The following MYH2 variants were observed in gnomAD, a reference collection of about 807,000 sequenced individuals.
The protein encoded by MYH2 is myosin heavy chain 2.
A neutral mutation model predicts 228.1 loss-of-function variants in MYH2; 139 were observed. The ratio of observed to expected loss-of-function variants is 0.61; its 90% CI spans 0.53 to 0.70. MYH2 has a LOEUF of 0.70. Ranked by LOEUF, MYH2 falls within the 30% of genes least tolerant of loss-of-function variation. The pLI is 0.00. For missense variants in MYH2, 1,809 were observed against 2,357.5 expected (o/e 0.77, Z 4.82); for synonymous variants, 796 against 871.1 (o/e 0.91, Z 1.52).
At chr17:10,538,900 T>C (rs1337276170) in intron 14 of MYH2, among the ~76,000 whole-genome samples, 1 of 152,212 alleles carries the variant, frequency 6.6e-6, no homozygotes, top group African/African-American at 2.4e-5. Flanking sequence ...TGACTCTAAA[T>C]TATTAACGTT....
chr17:10,525,161 A>G lies in MYH2; in HGVS notation c.4662+63T>C. ...TTTTGTGCTATGTGTCTTTTTATTC[A>G]CTCTATGCAGATGTACCTAATTATT... On this transcript the variant is annotated intron_variant, in intron 33 of 39. Coordinates refer to ENST00000245503, the MANE Select transcript of MYH2 (RefSeq NM_017534.6). This position sits in a 1 kb window ranked among gnomAD's most constrained non-coding sequence, Gnocchi z 4.2. 2 of 1,613,372 alleles carry G rather than the reference A, an allele frequency of 1.2e-6. No homozygotes were observed. Among genetic ancestry groups the G allele is most frequent in the Non-Finnish European group, 1.7e-6 (2 of 1,179,780 alleles).
rs201882457 is a variant in MYH2, at chr17:10,521,362, C to T, written c.5744G>A (p.Arg1915Gln). 2.1e-5 allele frequency: 34 copies of T among 1,613,974 alleles called. No homozygotes were observed. The highest frequency in any genetic ancestry group is 1.0e-4 in the Admixed American group (6 of 59,988). The change falls in exon 40 of 40, where the codon CGG becomes CAG. Residue 1915 changes from arginine to glutamine, a missense_variant. Coordinates refer to ENST00000245503, the MANE Select transcript of MYH2 (RefSeq NM_017534.6). ...CACCTGGGACTCAGCAATGTCAGCC[C>T]GTTCCTCGGCCTCCTCCAGCTCATG... ...LQHELEEAEE[R>Q]ADIAESQVNK...
chr17:10,530,835 C>T, intron 22 of MYH2, among the ~76,000 whole-genome samples: 1 of 152,254 alleles, frequency 6.6e-6, no homozygotes, highest in Admixed American at 6.5e-5. Context: ...ATTTGGAGGG[C>T]TTTTTCCTTC....
chr17:10,536,955 A>G (rs865829824), intron 16 of MYH2, among the ~76,000 whole-genome samples: 2 of 152,318 alleles, frequency 1.3e-5, no homozygotes, highest in African/African-American at 4.8e-5. Context: ...TACTCTATAT[A>G]TCCTGCAGAT....
At chr17:10,543,665 A>G in intron 8 of MYH2, 46 bp downstream of exon 8, 1 of 1,602,176 alleles carries the variant, frequency 6.2e-7, no homozygotes, top group Non-Finnish European at 8.6e-7. Context: ...CATCTCATAA[A>G]TTTTGACCAG....
intron 27 of MYH2, 40 bp downstream of exon 27, chr17:10,528,650 T>G (rs778409154): frequency 1.2e-6 from 2 of 1,613,740 alleles, no homozygotes; most frequent in Non-Finnish European, 1.7e-6. Flanking sequence ...GTGTCCATAA[T>G]GCATTATTTT....
intron 39 of MYH2, 148 bp from the exon 40 acceptor site, chr17:10,521,580 CATAT>C (rs3051834): frequency 5.2e-3 from 2,282 of 439,128 alleles, no homozygotes; most frequent in Middle Eastern, 8.0e-3. Context: ...TTATTGATGT[CATAT>C]ATATATATAT....
intron 17 of MYH2, 136 bp downstream of exon 17, chr17:10,536,394 T>G (rs2073482293): frequency 3.0e-6 from 2 of 659,784 alleles, no homozygotes; most frequent in East Asian, 5.8e-5. Context: ...AAAGTAATTT[T>G]AATAAATGTA....
chr17:10,539,776 A>G, intron 12 of MYH2, 152 bp downstream of exon 12: 2 of 1,245,598 alleles, frequency 1.6e-6, no homozygotes, highest in Non-Finnish European at 1.2e-6. Flanking sequence ...CCTAGTGCTT[A>G]TGTTTCCCAT....
Position 10,540,030 on chromosome 17 carries a change from T to C in MYH2, c.1045A>G (p.Lys349Glu). The change falls in exon 12 of 40, where the codon AAG becomes GAG. Residue 349 changes from lysine (K) to glutamate (E), a missense_variant. Transcript: ENST00000245503. ...IDILGFTNEEKVSIYKLTGAV... is the reference protein window; with the variant it reads ...IDILGFTNEEEVSIYKLTGAV... ...CCCGTGAGCTTGTAAATGGAGACCT[T>C]TTCTTCATTAGTAAAGCCCAAAATA... 6.2e-7 allele frequency: 1 copy of C among 1,614,072 alleles called. No individual in the cohort carries two copies. Among genetic ancestry groups the C allele is most frequent in the Non-Finnish European group, 8.5e-7 (1 of 1,179,978 alleles).
rs1471900158 is a variant in MYH2 at position 10,521,413 on chromosome 17, T to C, written c.5693A>G (p.Asn1898Ser). 1.9e-6 allele frequency: 3 copies of C among 1,614,122 alleles called. No homozygotes were observed. The highest frequency in any genetic ancestry group is 1.1e-5 in the South Asian group (1 of 91,084). The change falls in exon 40 of 40, where the codon AAT becomes AGT. Residue 1898 changes from asparagine to serine, a missense_variant. This residue lies in a region of MYH2 where 278 missense variants were observed against 308.5 expected (regional missense o/e 0.90). Coordinates refer to ENST00000245503, the MANE Select transcript of MYH2 (RefSeq NM_017534.6). ...AEEAEEQSNT[N>S]LAKFRKLQHE... ...CTGGAGCTTGCGGAATTTAGCTAGA[T>C]TGGTGTTGGATTGTTCCTCCTGAGA...
intron 26 of MYH2, 30 bp downstream of exon 26, chr17:10,529,132 G>T: frequency 1.9e-6 from 3 of 1,614,146 alleles, no homozygotes; most frequent in Non-Finnish European, 2.5e-6. Context: ...AACTGCCTCC[G>T]AGCCAGACTG....
At chr17:10,544,190 G>T (rs1428938595) in intron 5 of MYH2, 63 bp from the exon 6 acceptor site, 2 of 1,575,104 alleles carry the variant, frequency 1.3e-6, no homozygotes, top group Non-Finnish European at 1.7e-6. Flanking sequence ...GATAAGTAAA[G>T]TAAAATGGAA....
chr17:10,547,733 T>G lies in MYH2; in HGVS notation c.188A>C (p.Lys63Thr). 1 of 1,614,214 alleles carries G rather than the reference T, an allele frequency of 6.2e-7. No homozygotes were observed. The highest frequency in any genetic ancestry group is 1.1e-5 in the South Asian group (1 of 91,080). Residue 63 changes from lysine (K) to threonine (T), a missense_variant, in exon 3 of 40, where the codon AAG becomes ACG. Physicochemically the swap from Lys to Thr is moderately conservative, Grantham distance 78. Transcript: ENST00000245503. The part of the protein sequence containing the change: ...QSREGGKVTV[K>T]TEGGATLTVK... ...TCTACTCACCGCTCCTCCCTCAGTC[T>G]TCACCGTCACTTTTCCTCCTTCTCT...
chr17:10,537,152 C>T lies in MYH2; in HGVS notation c.1897+81G>A. 1 of 1,577,560 alleles carries T rather than the reference C, an allele frequency of 6.3e-7. No homozygotes were observed. On this transcript the variant is annotated intron_variant, in intron 16 of 39. Coordinates refer to ENST00000245503, the MANE Select transcript of MYH2 (RefSeq NM_017534.6). This position sits in a 1 kb window ranked among gnomAD's most constrained non-coding sequence, Gnocchi z 4.0. Reference sequence around the variant, plus strand: ...AGGGGCTTGGTCTGCAACCCTTCTGCCAGACCTAAGAGATCACTAGCTTCA... The same window carrying T: ...AGGGGCTTGGTCTGCAACCCTTCTGTCAGACCTAAGAGATCACTAGCTTCA...
chr17:10,534,572 A>C (rs1343063687), intron 19 of MYH2, among the ~76,000 whole-genome samples: 1 of 152,200 alleles, frequency 6.6e-6, no homozygotes, highest in East Asian at 1.9e-4. Flanking sequence ...GTGCCTGATA[A>C]ATCCAATGAA....
intron 4 of MYH2, 99 bp from the exon 5 acceptor site, chr17:10,545,601 G>C: frequency 2.0e-6 from 3 of 1,506,272 alleles, no homozygotes; most frequent in Non-Finnish European, 2.7e-6. Flanking sequence ...GTCTTGCTCT[G>C]TCACCCAGGC....
At chr17:10,532,485 A>G (rs1043024117) in intron 21 of MYH2, among the ~76,000 whole-genome samples, 7 of 152,232 alleles carry the variant, frequency 4.6e-5, no homozygotes, top group Non-Finnish European at 8.8e-5. Flanking sequence ...ATTACCCCAT[A>G]TATAGACAAT....
chr17:10,523,413 C>A lies in MYH2; in HGVS notation c.5473-1G>T. On this transcript the variant is annotated splice_acceptor_variant, in intron 37 of 39. Transcript: ENST00000245503. LOFTEE classifies it high-confidence loss of function. ...CAACCTCTCCTTCCAGCTCCCGTAC[C>A]TGCAAATAAGTAGGCTCTTAAGAAC... The A allele has an allele frequency of 6.2e-7, 1 of 1,614,142 alleles. No homozygotes were observed. The highest frequency in any genetic ancestry group is 8.5e-7 in the Non-Finnish European group (1 of 1,180,028).
Sources: allele counts gnomAD v4.1 joint callset (sites outside exome capture counted in the v4.1 genomes callset), GRCh38; gene constraint gnomAD v4.1.1; regional missense constraint gnomAD v4.1.1; non-coding constraint Gnocchi (gnomAD v3.1); transcripts MANE v1.5; gene names NCBI Gene and HGNC (gene_info 2026-07-23, HGNC 2026-07-21).